The following RCSD1 variants were observed in gnomAD, a reference collection of about 807,000 sequenced individuals.
RCSD1 encodes capZ-interacting protein.
Under a neutral mutation model 42.5 loss-of-function variants are expected in RCSD1, and 26 were observed. The observed-to-expected ratio is 0.61, with a 90% CI of 0.45 to 0.85. RCSD1 has a LOEUF of 0.85. Among genes scored for constraint, RCSD1 ranks in the 40% least tolerant of loss-of-function variants. The pLI, the probability that RCSD1 is intolerant of heterozygous loss-of-function variation, is 0.00. For missense variants in RCSD1, 571 were observed against 528.3 expected (o/e 1.08, Z -0.79); for synonymous variants, 220 against 212.2 (o/e 1.04, Z -0.32).
intron 6 of RCSD1, among the ~76,000 whole-genome samples, chr1:167,699,795 A>T (rs1375434946): frequency 1.3e-5 from 2 of 152,036 alleles, no homozygotes; most frequent in African/African-American, 4.8e-5. Flanking sequence ...CCCACTTCAG[A>T]GCTCTATCCT....
chr1:167,657,077 A>C (rs112907731), intron 1 of RCSD1, among the ~76,000 whole-genome samples: 2,232 of 152,334 alleles, frequency 0.015, 66 homozygotes, highest in African/African-American at 0.051. Flanking sequence ...CTGATAATAC[A>C]ATAATATCTA....
chr1:167,658,432 T>G (rs1408000288), intron 1 of RCSD1, among the ~76,000 whole-genome samples: 1 of 152,132 alleles, frequency 6.6e-6, no homozygotes, highest in Non-Finnish European at 1.5e-5. Context: ...GTTGTTTGTT[T>G]GTTTGTTTTT....
At chr1:167,686,822 G>T (rs1439916236) in intron 3 of RCSD1, among the ~76,000 whole-genome samples, 2 of 152,210 alleles carry the variant, frequency 1.3e-5, no homozygotes, top group Non-Finnish European at 2.9e-5. Context: ...ATGGGTTGAG[G>T]TTATGGCCAC....
chr1:167,697,864 C>A (rs1443077805), intron 6 of RCSD1, 22 bp downstream of exon 6: 8 of 1,451,530 alleles, frequency 5.5e-6, no homozygotes, highest in African/African-American at 4.3e-5. Context: ...GGCTCGTTCA[C>A]ATGCAGAAGG....
rs11549478 is a variant in RCSD1 at position 167,685,442 on chromosome 1, C to G, written c.130C>G (p.Arg44Gly). 1.2e-6 allele frequency: 2 copies of G among 1,613,774 alleles called. No individual in the cohort carries two copies. The highest frequency in any genetic ancestry group is 2.2e-5 in the East Asian group (1 of 44,824). The change falls in exon 3 of 7, where the codon CGA (arginine) becomes GGA (glycine). Residue 44 changes from arginine to glycine, a missense_variant. By Grantham distance (125) the Arg-to-Gly change is moderately radical. Coordinates refer to ENST00000367854, the MANE Select transcript of RCSD1 (RefSeq NM_052862.4). ...CCAGACACCAGCCAGTAAACCAACC[C>G]GAAGGAAACCGCCCTGTTCCCTCCC... ...AKETPASKPT[R>G]RKPPCSLPLF...
chr1:167,650,879 C>T (rs530013261), intron 1 of RCSD1, among the ~76,000 whole-genome samples: 104 of 152,296 alleles, frequency 6.8e-4, no homozygotes, highest in African/African-American at 2.4e-3. Context: ...TTTATTAGTT[C>T]GGTAGCGCTG....
In RCSD1 at chr1:167,707,627, A is replaced by C. The variant is rs1228049271; in HGVS notation, c.*2931A>C. Among the ~76,000 whole-genome samples, 2 of 151,662 alleles carry C rather than the reference A, an allele frequency of 1.3e-5. No individual in the cohort carries two copies. Among genetic ancestry groups the C allele is most frequent in the East Asian group, 3.9e-4 (2 of 5,160 alleles). On this transcript the variant is annotated 3_prime_UTR_variant, in exon 7 of 7. Transcript: ENST00000367854. ...AAACTTATTTAATTAGTTTTCCTTA[A>C]TAGTTGCAGCCAAGGCTGTCTCTTT...
intron 1 of RCSD1, chr1:167,665,023 G>C (rs527915167): frequency 1.4e-5 from 2 of 147,852 alleles, no homozygotes; most frequent in South Asian, 4.3e-4. Flanking sequence ...GGGTGATGAA[G>C]TGAGACTCTG....
In RCSD1 at chr1:167,697,755, C is replaced by CCTCCT; in HGVS notation, c.1131_1132insCTCCT (p.Glu378LeufsTer50). The CCTCCT allele has an allele frequency of 6.5e-7, 1 of 1,537,640 alleles. No individual in the cohort carries two copies. Among genetic ancestry groups the CCTCCT allele is most frequent in the Non-Finnish European group, 8.7e-7 (1 of 1,144,266 alleles). The stretch of plus-strand genomic sequence containing the variant: ...AAAAACAACAGGAGGGGGCAGTGCT[C>CCTCCT]GAGCCAGGCTGCAGCCCCCAGACCG... On this transcript the variant is annotated frameshift_variant, in exon 6 of 7. Transcript: ENST00000367854. LOFTEE classifies it high-confidence loss of function.
chr1:167,652,430 G>A (rs79400281), intron 1 of RCSD1, among the ~76,000 whole-genome samples: 323 of 152,174 alleles, frequency 2.1e-3, no homozygotes, highest in African/African-American at 7.5e-3. Flanking sequence ...AAACCTCACC[G>A]GGCCCAGATA....
intron 1 of RCSD1, among the ~76,000 whole-genome samples, chr1:167,676,070 C>G (rs1558085737): frequency 6.6e-6 from 1 of 152,220 alleles, no homozygotes; most frequent in Non-Finnish European, 1.5e-5. Flanking sequence ...ATTTCACCTA[C>G]AAAAACTCAT....
intron 6 of RCSD1, 121 bp downstream of exon 6, chr1:167,697,963 C>G: frequency 8.1e-7 from 1 of 1,230,520 alleles, no homozygotes; most frequent in Non-Finnish European, 1.0e-6. Context: ...AACAAAGGTG[C>G]CAGGCTCCTG....
At chr1:167,647,498 A>T (rs1307511798) in intron 1 of RCSD1, among the ~76,000 whole-genome samples, 3 of 152,072 alleles carry the variant, frequency 2.0e-5, no homozygotes, top group Non-Finnish European at 4.4e-5. Flanking sequence ...AGGCAGGAGA[A>T]TTGCTTGAGC....
intron 6 of RCSD1, among the ~76,000 whole-genome samples, chr1:167,700,356 T>C (rs757154476): frequency 2.5e-4 from 38 of 152,022 alleles, no homozygotes; most frequent in Non-Finnish European, 4.6e-4. Flanking sequence ...CTTTAACATC[T>C]TCCATTCCAG....
intron 1 of RCSD1, among the ~76,000 whole-genome samples, chr1:167,660,164 T>C (rs934146715): frequency 3.3e-5 from 5 of 152,220 alleles, no homozygotes; most frequent in African/African-American, 4.8e-5. Flanking sequence ...ATGTGCTCTC[T>C]TGTTTGACGC....
intron 1 of RCSD1, among the ~76,000 whole-genome samples, chr1:167,674,034 C>T (rs138606770): frequency 1.3e-5 from 2 of 152,340 alleles, no homozygotes; most frequent in South Asian, 2.1e-4. Flanking sequence ...ACAAGTCTGC[C>T]TTTCAACTAG....
At chr1:167,665,872 C>T (rs1658644148) in intron 1 of RCSD1, among the ~76,000 whole-genome samples, 1 of 151,836 alleles carries the variant, frequency 6.6e-6, no homozygotes, top group Non-Finnish European at 1.5e-5. Context: ...AGTGCGGTGG[C>T]ATGATCTCCA....
chr1:167,702,647 C>T (rs898667600), intron 6 of RCSD1, among the ~76,000 whole-genome samples: 7 of 152,002 alleles, frequency 4.6e-5, no homozygotes, highest in East Asian at 1.9e-4. Context: ...GGGGTGGTGG[C>T]GTGTGCCTGT....
chr1:167,646,504 TTTTTTTC>T (rs1658150777), intron 1 of RCSD1, among the ~76,000 whole-genome samples: 1 of 68,644 alleles, frequency 1.5e-5, no homozygotes, highest in Admixed American at 1.4e-4. Context: ...GACTTAGAGT[TTTTTTTC>T]TTTTTCTTTT....
Sources: allele counts gnomAD v4.1 joint callset (sites outside exome capture counted in the v4.1 genomes callset), GRCh38; gene constraint gnomAD v4.1.1; transcripts MANE v1.5; gene names NCBI Gene and HGNC (gene_info 2026-07-23, HGNC 2026-07-21).